Variants in DTD1 observed in about 807,000 individuals in gnomAD.
DTD1 encodes D-tyrosyl-tRNA deacylase 1 homolog.
In DTD1, 13 loss-of-function variants were observed where a neutral mutation model predicts 25.6. That is an observed-to-expected ratio of 0.51 (90% CI 0.33 to 0.81). The LOEUF is 0.81. Among genes scored for constraint, DTD1 ranks in the 30% least tolerant of loss-of-function variants. The probability of loss-of-function intolerance (pLI) is 0.02; values close to 1 mark genes in which losing one functional copy is unlikely to be tolerated. For missense variants in DTD1, 193 were observed against 266.4 expected, an observed-to-expected ratio of 0.72 and a Z score of 1.92; for synonymous variants, 110 against 103.6, an observed-to-expected ratio of 1.06 and a Z score of -0.37.
At chr20:18,756,540 T>G (rs1037503669) in intron 5 of DTD1, among the ~76,000 whole-genome samples, 5 of 152,264 alleles carry the variant, frequency 3.3e-5, no homozygotes, top group Non-Finnish European at 7.3e-5. Flanking sequence ...CTTTCCCCAT[T>G]TCTTGTTTTT....
intron 3 of DTD1, among the ~76,000 whole-genome samples, chr20:18,617,822 A>G (rs1378871618): frequency 6.6e-6 from 1 of 152,242 alleles, no homozygotes; most frequent in Non-Finnish European, 1.5e-5. Context: ...GGCTTTAAAA[A>G]AAAATTCACA....
intron 4 of DTD1, among the ~76,000 whole-genome samples, chr20:18,634,869 C>T (rs1297905855): frequency 6.6e-6 from 1 of 152,080 alleles, no homozygotes; most frequent in Non-Finnish European, 1.5e-5. Context: ...ACCAGGTGGC[C>T]CCATCACAGG....
intron 4 of DTD1, among the ~76,000 whole-genome samples, chr20:18,723,092 A>C (rs992858466): frequency 3.3e-5 from 5 of 151,958 alleles, no homozygotes; most frequent in Non-Finnish European, 7.4e-5. Flanking sequence ...CAGCCTCACC[A>C]CTCTTGCCAT....
chr20:18,659,687 A>G (rs887432243), intron 4 of DTD1, among the ~76,000 whole-genome samples: 8 of 152,106 alleles, frequency 5.3e-5, no homozygotes, highest in African/African-American at 1.9e-4. Context: ...CTCACTCATA[A>G]GTGGGAGTTG....
In DTD1 at chr20:18,747,801, A is replaced by AAGAG. The variant is rs751989139; in HGVS notation, c.*19+3532_*19+3535dup. Reference sequence around the variant, plus strand: ...GCCCAGGCAGGCGGATCACGAGGTCAAGAGATCGAGACCATCTGGCCAATA... The same window carrying AAGAG: ...GCCCAGGCAGGCGGATCACGAGGTCAAGAGAGAGATCGAGACCATCTGGCCAATA... On this transcript the variant is annotated intron_variant, in intron 5 of 5. Coordinates refer to ENST00000377452, the MANE Select transcript of DTD1 (RefSeq NM_080820.6). 2.0e-5 allele frequency among the ~76,000 whole-genome samples: 3 copies of AAGAG among 151,928 alleles called. No individual in the cohort carries two copies. The East Asian group carries it at 5.8e-4, about 29-fold the overall frequency.
rs763829337 is a variant in DTD1, at chr20:18,596,024, C to T, written c.153C>T (p.Asn51=). 2 of 1,614,002 alleles carry T rather than the reference C, an allele frequency of 1.2e-6. No individual in the cohort carries two copies. Among genetic ancestry groups the T allele is most frequent in the East Asian group, 2.2e-5 (1 of 44,888 alleles). ...CCCTTAGGGTCCGAAAGATTCTAAACCTGCGTGTATTTGAGGATGAGAGTG... is the reference window on the plus strand; with the variant it reads ...CCCTTAGGGTCCGAAAGATTCTAAATCTGCGTGTATTTGAGGATGAGAGTG... ...ELEHMVRKIL[N]LRVFEDESGK... is the part of the protein sequence containing the mutation. The change falls in exon 3 of 6, where the codon AAC becomes AAT. Residue 51 remains asparagine, a synonymous_variant. Coordinates refer to ENST00000377452, the MANE Select transcript of DTD1 (RefSeq NM_080820.6).
intron 4 of DTD1, among the ~76,000 whole-genome samples, chr20:18,721,402 A>G (rs1185779566): frequency 6.6e-6 from 1 of 152,226 alleles, no homozygotes; most frequent in Admixed American, 6.5e-5. Flanking sequence ...CTTTCTTGGC[A>G]AAAGTCAGAT....
chr20:18,612,662 C>G (rs895980603), intron 3 of DTD1, among the ~76,000 whole-genome samples: 5 of 150,944 alleles, frequency 3.3e-5, no homozygotes, highest in African/African-American at 1.2e-4. Flanking sequence ...TGTTATCTTT[C>G]TTTTTTTTTA....
intron 4 of DTD1, among the ~76,000 whole-genome samples, chr20:18,693,747 C>G (rs1384058129): frequency 6.6e-6 from 1 of 152,020 alleles, no homozygotes; most frequent in Admixed American, 6.6e-5. Flanking sequence ...AACCAAGCAC[C>G]TTGAAAGCAG....
intron 4 of DTD1, among the ~76,000 whole-genome samples, chr20:18,707,531 A>C (rs145609153): frequency 5.3e-5 from 8 of 152,176 alleles, no homozygotes; most frequent in African/African-American, 1.9e-4. Flanking sequence ...TGTGCAGTAC[A>C]GCAGCACCAG....
intron 4 of DTD1, among the ~76,000 whole-genome samples, chr20:18,717,733 C>T (rs1457319790): frequency 6.6e-6 from 1 of 152,112 alleles, no homozygotes. Flanking sequence ...TCTTTGATTG[C>T]AAGAGTTCTT....
At chr20:18,755,043 C>G (rs765382608) in intron 5 of DTD1, among the ~76,000 whole-genome samples, 1 of 152,164 alleles carries the variant, frequency 6.6e-6, no homozygotes, top group Non-Finnish European at 1.5e-5. Context: ...GGAAGTTTAC[C>G]TAAAAACTTT....
chr20:18,750,046 C>T (rs2061316272), intron 5 of DTD1, among the ~76,000 whole-genome samples: 1 of 152,168 alleles, frequency 6.6e-6, no homozygotes, highest in South Asian at 2.1e-4. Flanking sequence ...GGACAGATGT[C>T]CAGGCAGGGA....
At chr20:18,614,166 C>T (rs1024026538) in intron 3 of DTD1, among the ~76,000 whole-genome samples, 1 of 152,094 alleles carries the variant, frequency 6.6e-6, no homozygotes, top group South Asian at 2.1e-4. Flanking sequence ...GGGCACTGGA[C>T]AGACCAGCCT....
At chr20:18,737,816 G>A (rs2061262290) in intron 4 of DTD1, among the ~76,000 whole-genome samples, 1 of 152,240 alleles carries the variant, frequency 6.6e-6, no homozygotes, top group South Asian at 2.1e-4. Context: ...TCCTGCAGCA[G>A]CATGTTGCTA....
chr20:18,638,646 C>G (rs1365125724), intron 4 of DTD1, among the ~76,000 whole-genome samples: 1 of 152,136 alleles, frequency 6.6e-6, no homozygotes. Flanking sequence ...GAGCTGTGAC[C>G]TGGGGTTGAT....
At chr20:18,633,949 T>C (rs1197644397) in intron 4 of DTD1, among the ~76,000 whole-genome samples, 1 of 152,230 alleles carries the variant, frequency 6.6e-6, no homozygotes, top group East Asian at 1.9e-4. Flanking sequence ...TTTCATGCTA[T>C]GTCCTGGCAG....
chr20:18,588,954 A>T (rs1391822823), intron 1 of DTD1: 1 of 866,584 alleles, frequency 1.2e-6, no homozygotes, highest in Non-Finnish European at 1.4e-6. Flanking sequence ...TTCTGTCTTT[A>T]TTGGCACAAC....
At chr20:18,589,001 T>C (rs60756657) in intron 1 of DTD1, 11,550 of 574,442 alleles carry the variant, frequency 0.02, 143 homozygotes, top group African/African-American at 0.026. Context: ...AGATATCCTG[T>C]CCTTGGAGCC....
Sources: allele counts gnomAD v4.1 joint callset (sites outside exome capture counted in the v4.1 genomes callset), GRCh38; gene constraint gnomAD v4.1.1; transcripts MANE v1.5; gene names NCBI Gene and HGNC (gene_info 2026-07-23, HGNC 2026-07-21).